Variants in CELSR1 observed in about 807,000 individuals in gnomAD.
The protein encoded by CELSR1 is adhesion G protein-coupled receptor C1.
Under a neutral mutation model 249.1 loss-of-function variants are expected in CELSR1, and 110 were observed. That is an observed-to-expected ratio of 0.44 (90% CI 0.38 to 0.52). The LOEUF is 0.52. Among genes scored for constraint, CELSR1 ranks in the 20% least tolerant of loss-of-function variants. The pLI, the probability that CELSR1 is intolerant of heterozygous loss-of-function variation, is 0.00. For missense variants in CELSR1, 4,109 were observed against 4,296.4 expected (o/e 0.96, Z 1.22); for synonymous variants, 2,113 against 1,900.0 (o/e 1.11, Z -2.92).
At chr22:46,416,818 C>T (rs970114389) in intron 5 of CELSR1, among the ~76,000 whole-genome samples, 6 of 152,120 alleles carry the variant, frequency 3.9e-5, no homozygotes, top group African/African-American at 9.7e-5. Context: ...AGCCGCTCTA[C>T]GCAGTGCTGG....
chr22:46,364,336 A>C, intron 33 of CELSR1, 85 bp from the exon 34 acceptor site: 1 of 1,557,672 alleles, frequency 6.4e-7, no homozygotes, highest in Non-Finnish European at 8.6e-7. Context: ...AGCCAGCCTC[A>C]GCCCCTGTCC....
In CELSR1 at chr22:46,369,202, A is replaced by G; in HGVS notation, c.7929T>C (p.His2643=). The G allele has an allele frequency of 1.2e-6, 2 of 1,614,070 alleles. No individual in the cohort carries two copies. The highest frequency in any genetic ancestry group is 2.2e-5 in the South Asian group (2 of 91,082). ...SAKVSCQRKH[H]YYGKKGIVSL... is the part of the protein sequence containing the mutation. ...ACACGATCCCTTTTTTCCCATAATAATGGTGCTTTCTTTGGCAGGAAACCT... is the reference window on the plus strand; with the variant it reads ...ACACGATCCCTTTTTTCCCATAATAGTGGTGCTTTCTTTGGCAGGAAACCT... Residue 2643 remains histidine (H), a synonymous_variant, in exon 27 of 35, where the codon CAT becomes CAC. Coordinates refer to ENST00000674500, the MANE Select transcript of CELSR1 (RefSeq NM_001378328.1).
chr22:46,453,257 A>C (rs2079907379), intron 2 of CELSR1, among the ~76,000 whole-genome samples: 1 of 152,228 alleles, frequency 6.6e-6, no homozygotes, highest in Non-Finnish European at 1.5e-5. Context: ...AACCGTGCCA[A>C]CTACGAACAG....
At chr22:46,507,117 C>T (rs549812835) in intron 1 of CELSR1, among the ~76,000 whole-genome samples, 1 of 152,082 alleles carries the variant, frequency 6.6e-6, no homozygotes, top group Non-Finnish European at 1.5e-5. Flanking sequence ...ACCAGGGAGG[C>T]GGAGGTTGCA....
At chr22:46,421,511 C>T (rs182537267) in intron 5 of CELSR1, among the ~76,000 whole-genome samples, 192 of 152,252 alleles carry the variant, frequency 1.3e-3, no homozygotes, top group Admixed American at 3.9e-3. Flanking sequence ...TGACTTTCTA[C>T]CACCTGACCA....
At chr22:46,373,130 TG>T in intron 24 of CELSR1, 73 bp from the exon 25 acceptor site, 2 of 1,426,546 alleles carry the variant, frequency 1.4e-6, no homozygotes, top group Non-Finnish European at 9.4e-7. Context: ...GAGTGAGGGG[TG>T]GGGGATGGGA....
chr22:46,482,448 G>A, intron 1 of CELSR1, among the ~76,000 whole-genome samples: 1 of 152,202 alleles, frequency 6.6e-6, no homozygotes, highest in East Asian at 1.9e-4. Context: ...GACCTGTGTA[G>A]CTCTTGCAAT....
At chr22:46,400,784 T>C (rs2079203054) in intron 9 of CELSR1, among the ~76,000 whole-genome samples, 2 of 152,066 alleles carry the variant, frequency 1.3e-5, no homozygotes, top group Non-Finnish European at 2.9e-5. Flanking sequence ...AAACCTCGTG[T>C]CTACTAAAAA....
chr22:46,392,858 C>G (rs751163064), intron 14 of CELSR1, among the ~76,000 whole-genome samples: 2 of 152,190 alleles, frequency 1.3e-5, no homozygotes, highest in Non-Finnish European at 1.5e-5. Flanking sequence ...CACGCCCTGC[C>G]TATAACTTTG....
At chr22:46,509,269 T>C (rs910067407) in intron 1 of CELSR1, among the ~76,000 whole-genome samples, 18 of 152,214 alleles carry the variant, frequency 1.2e-4, no homozygotes, top group African/African-American at 3.9e-4. Flanking sequence ...AATGACCCCA[T>C]GTGCCATGAC....
intron 2 of CELSR1, among the ~76,000 whole-genome samples, chr22:46,459,841 G>A (rs962786390): frequency 1.1e-4 from 16 of 152,124 alleles, no homozygotes; most frequent in Non-Finnish European, 2.1e-4. Flanking sequence ...GAGCTGCCTC[G>A]AGAAGTCAAT....
chr22:46,441,906 G>T lies in CELSR1; in HGVS notation c.4184-2495C>A, dbSNP rs1429829313. ...GCTCACGCCTGTAACCCCAGCACTT[G>T]GGGAGGCTGAGGCGGGTAGATTACC... On this transcript the variant is annotated intron_variant, in intron 2 of 34. Transcript: ENST00000674500. This position sits in a 1 kb window ranked among gnomAD's most constrained non-coding sequence, Gnocchi z 6.1. Among the ~76,000 whole-genome samples the T allele has an allele frequency of 6.6e-6, 1 of 152,082 alleles. No homozygotes were observed. The highest frequency in any genetic ancestry group is 1.5e-5 in the Non-Finnish European group (1 of 67,994).
rs930244923 is a variant in CELSR1 at position 46,391,628 on chromosome 22, C to T, written c.6148+5G>A. 4 of 1,590,930 alleles carry T rather than the reference C, an allele frequency of 2.5e-6. No homozygotes were observed. The highest frequency in any genetic ancestry group is 3.4e-6 in the Non-Finnish European group (4 of 1,172,764). ...ACCTGCAGGGTGTCGAGGGGCAACG[C>T]GGACCTTCACAGCCGAGCGTGGTGA... On this transcript the variant is annotated splice_donor_5th_base_variant and intron_variant, in intron 15 of 34. Coordinates refer to ENST00000674500, the MANE Select transcript of CELSR1 (RefSeq NM_001378328.1). This position sits in a 1 kb window ranked among gnomAD's most constrained non-coding sequence, Gnocchi z 4.3.
rs902745786 is a variant in CELSR1, at chr22:46,500,651, C to T, written c.3544+32976G>A. The stretch of plus-strand genomic sequence containing the variant: ...TCTCTGGGGGAGTTTACAACAATGA[C>T]TCTGCAGGCCTTTTGTCAGATGCCA... On this transcript the variant is annotated intron_variant, in intron 1 of 34. Coordinates refer to ENST00000674500, the MANE Select transcript of CELSR1 (RefSeq NM_001378328.1). The surrounding 1 kb of genome is among the most constrained non-coding windows in gnomAD (Gnocchi z 4.9). Among the ~76,000 whole-genome samples, 2 of 152,216 alleles carry T rather than the reference C, an allele frequency of 1.3e-5. No homozygotes were observed. The highest frequency in any genetic ancestry group is 2.9e-5 in the Non-Finnish European group (2 of 68,038).
At position 46,380,649 on chromosome 22, in the gene CELSR1, C is replaced by T; in HGVS notation, c.7256+139G>A. ...CAGAAGCAGAGCAGGAGGCTCACTG[C>T]CCCCACGGGGGACTTAAAGGGGAAA... is the stretch of plus-strand genomic sequence containing the variant. On this transcript the variant is annotated intron_variant, in intron 22 of 34. Coordinates refer to ENST00000674500, the MANE Select transcript of CELSR1 (RefSeq NM_001378328.1). The surrounding 1 kb of genome is among the most constrained non-coding windows in gnomAD (Gnocchi z 5.1). 1 of 940,428 alleles carries T rather than the reference C, an allele frequency of 1.1e-6. No homozygotes were observed. Among genetic ancestry groups the T allele is most frequent in the Non-Finnish European group, 1.6e-6 (1 of 630,304 alleles). The allele number at this position is 940,428 out of a possible 1,614,324, so 58.3% of individuals were successfully genotyped here. A position where few individuals can be genotyped will look rare whatever the true frequency, so the allele number is the denominator to read the frequency against.
chr22:46,433,533 C>T lies in CELSR1; in HGVS notation c.4523-52G>A. Reference sequence around the variant, plus strand: ...AGAAAACAGGGGTTGGCGGGGCCTACTGGGGACCGAGGATTGCGCTGTGAG... The same window carrying T: ...AGAAAACAGGGGTTGGCGGGGCCTATTGGGGACCGAGGATTGCGCTGTGAG... On this transcript the variant is annotated intron_variant, in intron 4 of 34. Coordinates refer to ENST00000674500, the MANE Select transcript of CELSR1 (RefSeq NM_001378328.1). The surrounding 1 kb of genome is among the most constrained non-coding windows in gnomAD (Gnocchi z 5.7). 2.8e-6 allele frequency: 4 copies of T among 1,451,746 alleles called. No individual in the cohort carries two copies. The highest frequency in any genetic ancestry group is 3.8e-6 in the Non-Finnish European group (4 of 1,044,422). The allele number at this position is 1,451,746 out of a possible 1,614,324, so 89.9% of individuals were successfully genotyped here. A position where few individuals can be genotyped will look rare whatever the true frequency, so the allele number is the denominator to read the frequency against.
chr22:46,517,610 A>G lies in CELSR1; in HGVS notation c.3544+16017T>C, dbSNP rs867735629. On this transcript the variant is annotated intron_variant, in intron 1 of 34. Coordinates refer to ENST00000674500, the MANE Select transcript of CELSR1 (RefSeq NM_001378328.1). This position sits in a 1 kb window ranked among gnomAD's most constrained non-coding sequence, Gnocchi z 5.4. ...CCTGAGCTTCCCGTCCTGCACACAC[A>G]GACGCACCCCTGACCTCTGACGGCC... 1.1e-4 allele frequency among the ~76,000 whole-genome samples: 16 copies of G among 152,314 alleles called. 1 individual carries two copies. In the Middle Eastern group the frequency reaches 0.017, roughly 162 times the overall value.
chr22:46,492,653 G>A (rs887313232), intron 1 of CELSR1, among the ~76,000 whole-genome samples: 4 of 151,924 alleles, frequency 2.6e-5, no homozygotes, highest in African/African-American at 9.7e-5. Flanking sequence ...GTGAAACCCC[G>A]TCTCTACTAA....
rs1046750001 is a variant in CELSR1 at position 46,388,408 on chromosome 22, C to T, written c.6555+882G>A. Among the ~76,000 whole-genome samples, 4 of 152,056 alleles carry T rather than the reference C, an allele frequency of 2.6e-5. No individual in the cohort carries two copies. The South Asian group carries it at 6.2e-4, about 24-fold the overall frequency. On this transcript the variant is annotated intron_variant, in intron 18 of 34. Transcript: ENST00000674500. ...AAGGAAACTTGTTTGTGGAGTCACG[C>T]ATGGAGAACAAACGCCACTGGCCCA...
Sources: allele counts gnomAD v4.1 joint callset (sites outside exome capture counted in the v4.1 genomes callset), GRCh38; gene constraint gnomAD v4.1.1; non-coding constraint Gnocchi (gnomAD v3.1); transcripts MANE v1.5; gene names NCBI Gene and HGNC (gene_info 2026-07-23, HGNC 2026-07-21).